The following ARVCF variants were observed in gnomAD, a reference collection of about 807,000 sequenced individuals.
The protein encoded by ARVCF is ARVCF delta catenin family member, also known as splicing regulator ARVCF.
In ARVCF, 66 loss-of-function variants were observed where a neutral mutation model predicts 90.9. The observed-to-expected ratio is 0.73, with a 90% confidence interval of 0.60 to 0.89. The LOEUF is 0.89. ARVCF is among the 40% of genes least tolerant of loss of function. The pLI is 0.00. For missense variants in ARVCF, 1,469 were observed against 1,382.3 expected (o/e 1.06, Z -1.00); for synonymous variants, 653 against 603.4 (o/e 1.08, Z -1.21).
chr22:19,992,207 C>T (rs1240766927), intron 2 of ARVCF, among the ~76,000 whole-genome samples: 1 of 152,216 alleles, frequency 6.6e-6, no homozygotes, highest in African/African-American at 2.4e-5. Context: ...CAGTGCAGGC[C>T]CCCAAAGCTG....
rs531651944 is a variant in ARVCF at position 19,988,006 on chromosome 22, A to G, written c.210+2579T>C. ...AGGCCAAGCCAATGGCTCCAGCATC[A>G]CGAACAGGGAAACAGGTTCTGAGAT... is the stretch of plus-strand genomic sequence containing the variant. On this transcript the variant is annotated intron_variant, in intron 3 of 19. Transcript: ENST00000263207. Among the ~76,000 whole-genome samples, 3 of 152,314 alleles carry G rather than the reference A, an allele frequency of 2.0e-5. No individual in the cohort carries two copies. In the South Asian group the frequency reaches 6.2e-4, roughly 32 times the overall value.
Position 19,981,415 on chromosome 22 carries a change from CCAGG to C in ARVCF, c.688_691del (p.Pro230AlafsTer91). On this transcript the variant is annotated frameshift_variant, in exon 5 of 20. Coordinates refer to ENST00000263207, the MANE Select transcript of ARVCF (RefSeq NM_001670.3). LOFTEE classifies it high-confidence loss of function. ...ACCCACCGGGAAGGCTTCCCGGTGG[CCAGG>C]CAGTGTGAAGCAGCCATCACCAGGG... 1 of 1,577,128 alleles carries C rather than the reference CCAGG, an allele frequency of 6.3e-7. No individual in the cohort carries two copies. Among genetic ancestry groups the C allele is most frequent in the Non-Finnish European group, 8.6e-7 (1 of 1,163,702 alleles).
rs781155295 is a variant in ARVCF at position 19,972,817 on chromosome 22, G to A, written c.2561C>T (p.Ala854Val). 3.7e-6 allele frequency: 6 copies of A among 1,613,584 alleles called. No homozygotes were observed. Among genetic ancestry groups the A allele is most frequent in the South Asian group, 2.2e-5 (2 of 91,062 alleles). Residue 854 changes from alanine (A) to valine (V), a missense_variant, in exon 16 of 20, where the codon GCT becomes GTT. By Grantham distance (64) the Ala-to-Val change is moderately conservative (BLOSUM62 0). Transcript: ENST00000263207. ...TGCTCCCTTAGGCCCCTTGGCAGTAGCAGCAGCTGACTGAGACATAAAACA... is the reference window on the plus strand; with the variant it reads ...TGCTCCCTTAGGCCCCTTGGCAGTAACAGCAGCTGACTGAGACATAAAACA... ...WTKARFQSAAATAKGPKGALS... is the reference protein window; with the variant it reads ...WTKARFQSAAVTAKGPKGALS...
chr22:20,007,545 T>C (rs1474867301), intron 2 of ARVCF, among the ~76,000 whole-genome samples: 1 of 152,264 alleles, frequency 6.6e-6, no homozygotes, highest in Non-Finnish European at 1.5e-5. Flanking sequence ...GGAAACTTAA[T>C]TCCCAACGCA....
rs943757017 is a variant in ARVCF, at chr22:19,970,652, G to A, written c.*104C>T. The A allele has an allele frequency of 5.4e-5, 70 of 1,284,586 alleles. No homozygotes were observed. The highest frequency in any genetic ancestry group is 7.5e-5 in the South Asian group (6 of 80,382). The allele number at this position is 1,284,586 out of a possible 1,614,324, so 79.6% of individuals were successfully genotyped here. On this transcript the variant is annotated 3_prime_UTR_variant, in exon 20 of 20. Coordinates refer to ENST00000263207, the MANE Select transcript of ARVCF (RefSeq NM_001670.3). ...GGGCGAGGCGCTGCCAACCCCTGCC[G>A]CCAGGGGGCTCCAAGCTCCACGGCA...
chr22:19,995,590 A>C (rs1444736013), intron 2 of ARVCF, among the ~76,000 whole-genome samples: 1 of 152,220 alleles, frequency 6.6e-6, no homozygotes, highest in Non-Finnish European at 1.5e-5. Flanking sequence ...ACATCTTGCC[A>C]ACCCAGACAT....
At chr22:19,983,476 C>A (rs758297355) in intron 3 of ARVCF, among the ~76,000 whole-genome samples, 1 of 152,234 alleles carries the variant, frequency 6.6e-6, no homozygotes, top group Non-Finnish European at 1.5e-5. Context: ...GAATACTTGA[C>A]CCCCAAATGC....
At chr22:20,013,607 T>C (rs1944916343) in intron 1 of ARVCF, among the ~76,000 whole-genome samples, 1 of 152,222 alleles carries the variant, frequency 6.6e-6, no homozygotes, top group Admixed American at 6.5e-5. Flanking sequence ...CTGGTGGCCA[T>C]GCTCAGCTCC....
chr22:19,970,209 G>C lies in ARVCF; in HGVS notation c.*547C>G, dbSNP rs572425011. On this transcript the variant is annotated 3_prime_UTR_variant, in exon 20 of 20. Coordinates refer to ENST00000263207, the MANE Select transcript of ARVCF (RefSeq NM_001670.3). ...GCACCTGTAGCCTGACCCCCACCTTGCTGCTTCCAAAGCTTCCTTGCCCAG... is the reference window on the plus strand; with the variant it reads ...GCACCTGTAGCCTGACCCCCACCTTCCTGCTTCCAAAGCTTCCTTGCCCAG... 1 of 989,474 alleles carries C rather than the reference G, an allele frequency of 1.0e-6. No homozygotes were observed. The highest frequency in any genetic ancestry group is 1.2e-6 in the Non-Finnish European group (1 of 832,236). The allele number at this position is 989,474 out of a possible 1,614,324, so 61.3% of individuals were successfully genotyped here. A position where few individuals can be genotyped will look rare whatever the true frequency, so the allele number is the denominator to read the frequency against.
At chr22:19,982,198 C>A in intron 3 of ARVCF, 107 bp from the exon 4 acceptor site, 1 of 1,468,494 alleles carries the variant, frequency 6.8e-7, no homozygotes, top group Non-Finnish European at 9.1e-7. Flanking sequence ...GCCAGCACAC[C>A]AGGGTGCCTT....
At chr22:19,978,786 A>G in intron 7 of ARVCF, 111 bp downstream of exon 7, 1 of 1,298,750 alleles carries the variant, frequency 7.7e-7, no homozygotes, top group Non-Finnish European at 1.0e-6. Flanking sequence ...ACAGCTCTGA[A>G]GCTCCTAAGC....
intron 19 of ARVCF, among the ~76,000 whole-genome samples, 190 bp from the exon 20 acceptor site, chr22:19,970,933 G>A (rs148447402): frequency 2.6e-4 from 39 of 152,274 alleles, no homozygotes; most frequent in African/African-American, 8.4e-4. Flanking sequence ...GCTGGTCCCC[G>A]AAGGGCGTTG....
chr22:19,995,205 A>G (rs1944200962), intron 2 of ARVCF, among the ~76,000 whole-genome samples: 1 of 151,034 alleles, frequency 6.6e-6, no homozygotes, highest in South Asian at 2.1e-4. Flanking sequence ...ATGAGGGGAG[A>G]TGAGAGGATG....
At chr22:19,997,554 A>C (rs1343061447) in intron 2 of ARVCF, among the ~76,000 whole-genome samples, 1 of 152,098 alleles carries the variant, frequency 6.6e-6, no homozygotes, top group Non-Finnish European at 1.5e-5. Context: ...TGCCTGACCC[A>C]GACTCTAGCT....
At position 19,971,318 on chromosome 22, in the gene ARVCF, C is replaced by T. The variant is rs944706583; in HGVS notation, c.2799G>A (p.Lys933=). Reference sequence around the variant, plus strand: ...GCCTGCTGGGCCCGGGGGGAGGGGCCTTCCTGCTGGGGTCGAGCTGCAGCG... The same window carrying T: ...GCCTGCTGGGCCCGGGGGGAGGGGCTTTCCTGCTGGGGTCGAGCTGCAGCG... ...KEPLKLDPSR[K]APPPGPSRPA... The change falls in exon 19 of 20, where the codon AAG becomes AAA. Residue 933 remains lysine, a synonymous_variant. Transcript: ENST00000263207. The T allele has an allele frequency of 1.7e-5, 26 of 1,554,848 alleles. No homozygotes were observed. The highest frequency in any genetic ancestry group is 2.4e-5 in the East Asian group (1 of 41,618).
chr22:19,974,054 A>T (rs1461765943), intron 12 of ARVCF, 58 bp downstream of exon 12: 15 of 1,559,354 alleles, frequency 9.6e-6, no homozygotes, highest in Middle Eastern at 4.5e-4. Context: ...TGCACCAGTG[A>T]GGTGCCTGGG....
intron 5 of ARVCF, 30 bp from the exon 6 acceptor site, chr22:19,980,272 C>A: frequency 6.7e-7 from 1 of 1,494,344 alleles, no homozygotes; most frequent in South Asian, 1.3e-5. Context: ...GCGTGGACAT[C>A]GTCACAGCAG....
At chr22:20,007,654 T>C (rs1235288862) in intron 2 of ARVCF, among the ~76,000 whole-genome samples, 2 of 152,328 alleles carry the variant, frequency 1.3e-5, no homozygotes, top group Admixed American at 1.3e-4. Context: ...ATTTGTTATC[T>C]CGGGAGCAGG....
rs1000794045 is a variant in ARVCF at position 19,998,758 on chromosome 22, G to T, written c.-18-7946C>A. 2.0e-5 allele frequency among the ~76,000 whole-genome samples: 3 copies of T among 152,220 alleles called. No individual in the cohort carries two copies. The East Asian group carries it at 5.8e-4, about 29-fold the overall frequency. On this transcript the variant is annotated intron_variant, in intron 2 of 19. Coordinates refer to ENST00000263207, the MANE Select transcript of ARVCF (RefSeq NM_001670.3). ...GCCTGGTGGGAGATGGGGACAGGAA[G>T]TCCTCCGTGGGAGGGCAGGCAGGGG... is the stretch of plus-strand genomic sequence containing the variant.
Sources: gnomAD v4.1 joint callset for allele counts (sites outside exome capture counted in the v4.1 genomes callset) on GRCh38, gnomAD v4.1.1 for gene constraint, MANE v1.5 for transcripts, NCBI Gene and HGNC (gene_info 2026-07-23, HGNC 2026-07-21) for gene names.